Variants in TBC1D22A observed in about 807,000 individuals in gnomAD.
The protein encoded by TBC1D22A is TBC1 domain family member 22A, also known as putative GTPase activator.
A neutral mutation model predicts 60.2 loss-of-function variants in TBC1D22A; 38 were observed. That is an observed-to-expected ratio of 0.63 (90% CI 0.49 to 0.83). TBC1D22A has a LOEUF of 0.83. Ranked by LOEUF, TBC1D22A falls within the 40% of genes least tolerant of loss-of-function variation. The probability of loss-of-function intolerance (pLI) is 0.00; values close to 1 mark genes in which losing one functional copy is unlikely to be tolerated. For synonymous variants in TBC1D22A, 302 were observed against 281.7 expected (o/e 1.07, Z -0.72); for missense variants, 628 against 701.0 (o/e 0.90, Z 1.18).
chr22:46,893,618 G>T (rs974904893), intron 6 of TBC1D22A, among the ~76,000 whole-genome samples: 2 of 152,232 alleles, frequency 1.3e-5, no homozygotes, highest in Non-Finnish European at 2.9e-5. Flanking sequence ...CCACACGAGT[G>T]TAACTGTATG....
At chr22:46,848,878 T>A (rs1450447916) in intron 4 of TBC1D22A, among the ~76,000 whole-genome samples, 2 of 145,188 alleles carry the variant, frequency 1.4e-5, no homozygotes, top group East Asian at 4.0e-4. Context: ...CCTCACTGCT[T>A]CACCATGCAG....
chr22:47,048,940 C>T (rs1427904824), intron 11 of TBC1D22A, among the ~76,000 whole-genome samples: 1 of 152,200 alleles, frequency 6.6e-6, no homozygotes, highest in Non-Finnish European at 1.5e-5. Context: ...TGGTAATGAC[C>T]TTCATTTTTA....
chr22:46,938,668 C>T (rs136058), intron 8 of TBC1D22A, among the ~76,000 whole-genome samples: 33,745 of 151,160 alleles, frequency 0.22, 4,202 homozygotes, highest in Non-Finnish European at 0.28. Context: ...TTACTGCATC[C>T]TCCACCTCCC....
At chr22:47,130,683 G>A (rs895549533) in intron 12 of TBC1D22A, among the ~76,000 whole-genome samples, 1 of 152,240 alleles carries the variant, frequency 6.6e-6, no homozygotes, top group African/African-American at 2.4e-5. Flanking sequence ...TCCTCATCTT[G>A]CTGGAGCAGT....
At chr22:47,149,728 C>T (rs772267854) in intron 12 of TBC1D22A, among the ~76,000 whole-genome samples, 3 of 152,176 alleles carry the variant, frequency 2.0e-5, no homozygotes, top group Admixed American at 6.5e-5. Flanking sequence ...GCACTGGGGC[C>T]GAGATGGCTG....
intron 12 of TBC1D22A, among the ~76,000 whole-genome samples, chr22:47,157,119 TG>T (rs2067753089): frequency 6.6e-6 from 1 of 152,108 alleles, no homozygotes; most frequent in South Asian, 2.1e-4. Context: ...GCGCCTCCTG[TG>T]GGGGTGATTC....
intron 11 of TBC1D22A, among the ~76,000 whole-genome samples, chr22:47,040,504 T>A (rs963297120): frequency 3.6e-5 from 5 of 140,556 alleles, no homozygotes; most frequent in African/African-American, 1.4e-4. Flanking sequence ...GTCGAGCAAG[T>A]GGGGTCAGAG....
chr22:46,799,114 C>T (rs1209593023), intron 4 of TBC1D22A, among the ~76,000 whole-genome samples: 5 of 152,006 alleles, frequency 3.3e-5, no homozygotes, highest in Non-Finnish European at 7.4e-5. Flanking sequence ...GAAAATGAGG[C>T]CTGTCCCAGC....
intron 12 of TBC1D22A, among the ~76,000 whole-genome samples, chr22:47,153,327 G>A (rs1366429938): frequency 6.6e-6 from 1 of 152,200 alleles, no homozygotes; most frequent in Non-Finnish European, 1.5e-5. Context: ...TATTTTAGCA[G>A]GGCTTGTGCC....
chr22:47,120,365 G>A (rs993089026), intron 12 of TBC1D22A, among the ~76,000 whole-genome samples: 6 of 152,220 alleles, frequency 3.9e-5, no homozygotes, highest in African/African-American at 1.2e-4. Flanking sequence ...TTTGTAACAT[G>A]ATGAACAAAT....
intron 9 of TBC1D22A, among the ~76,000 whole-genome samples, chr22:46,988,415 T>C (rs1448667865): frequency 1.3e-5 from 2 of 152,240 alleles, no homozygotes; most frequent in Admixed American, 1.3e-4. Context: ...AGAAATCACT[T>C]CTATGGCAGC....
At chr22:46,836,582 TAAAACA>T (rs1191776772) in intron 4 of TBC1D22A, among the ~76,000 whole-genome samples, 14 of 151,690 alleles carry the variant, frequency 9.2e-5, no homozygotes, top group Admixed American at 8.5e-4. Context: ...AAAAGAGCTA[TAAAACA>T]ATTGCAAAAC....
intron 11 of TBC1D22A, among the ~76,000 whole-genome samples, chr22:47,049,182 C>T (rs1424653684): frequency 6.6e-6 from 1 of 152,208 alleles, no homozygotes; most frequent in Non-Finnish European, 1.5e-5. Flanking sequence ...CCCTACATGA[C>T]CAGGCTTGTG....
At chr22:46,788,128 G>A (rs1360288269) in intron 1 of TBC1D22A, among the ~76,000 whole-genome samples, 1 of 150,768 alleles carries the variant, frequency 6.6e-6, no homozygotes, top group Non-Finnish European at 1.5e-5. Flanking sequence ...AGTAGAGACG[G>A]GGTTTCACTG....
chr22:47,063,189 C>T (rs928015548), intron 11 of TBC1D22A, among the ~76,000 whole-genome samples: 3 of 152,146 alleles, frequency 2.0e-5, no homozygotes, highest in African/African-American at 4.8e-5. Flanking sequence ...CACAGATGCT[C>T]GGATCCCGCC....
intron 4 of TBC1D22A, among the ~76,000 whole-genome samples, chr22:46,830,606 C>T (rs899836231): frequency 5.9e-5 from 9 of 152,184 alleles, no homozygotes; most frequent in African/African-American, 1.7e-4. Flanking sequence ...CATCACTTTC[C>T]GTGGGCCAGC....
chr22:46,812,969 C>T (rs1027632922), intron 4 of TBC1D22A, among the ~76,000 whole-genome samples: 6 of 152,010 alleles, frequency 3.9e-5, no homozygotes, highest in Admixed American at 6.5e-5. Context: ...TAGAGTCTGT[C>T]GTGTCCGGAG....
At chr22:46,890,005 C>T (rs977324123) in intron 5 of TBC1D22A, among the ~76,000 whole-genome samples, 4 of 152,168 alleles carry the variant, frequency 2.6e-5, no homozygotes, top group African/African-American at 9.7e-5. Context: ...CCATTTATAT[C>T]TGGGGGTTTT....
intron 8 of TBC1D22A, among the ~76,000 whole-genome samples, chr22:46,934,147 C>T (rs900016495): frequency 2.6e-5 from 4 of 152,198 alleles, no homozygotes; most frequent in Non-Finnish European, 5.9e-5. Flanking sequence ...TTCTCATGAT[C>T]CAAGTAAGGA....
Sources: gnomAD v4.1 joint callset for allele counts (sites outside exome capture counted in the v4.1 genomes callset) on GRCh38, gnomAD v4.1.1 for gene constraint, MANE v1.5 for transcripts, NCBI Gene and HGNC (gene_info 2026-07-23, HGNC 2026-07-21) for gene names.